Variants in MIB1 observed in about 807,000 individuals in gnomAD.
MIB1 encodes the protein E3 ubiquitin-protein ligase MIB1.
MIB1 carries 278 observed loss-of-function variants against 124.5 expected under a neutral mutation model. The ratio of observed to expected loss-of-function variants is 2.23; its 90% CI spans 2.02 to 2.47. MIB1 has a LOEUF of 2.47. MIB1 is among the 30% of genes most tolerant of loss of function. The pLI is 0.00. For synonymous variants in MIB1, 446 were observed against 429.4 expected, an observed-to-expected ratio of 1.04 and a Z score of -0.48; for missense variants, 957 against 1,254.4, an observed-to-expected ratio of 0.76 and a Z score of 3.58.
intron 6 of MIB1, among the ~76,000 whole-genome samples, chr18:21,780,496 C>G (rs184453823): frequency 5.7e-4 from 87 of 152,304 alleles, no homozygotes; most frequent in Non-Finnish European, 1.0e-3. Flanking sequence ...ATTTGTCTTT[C>G]TGTGTCTGGC....
intron 6 of MIB1, among the ~76,000 whole-genome samples, chr18:21,780,121 A>G (rs922581276): frequency 6.6e-6 from 1 of 152,080 alleles, no homozygotes; most frequent in African/African-American, 2.4e-5. Flanking sequence ...TTTTATTGAT[A>G]CACAAGAGGT....
At chr18:21,840,653 ATATATATATATATTTTTT>A (rs1379301753) in intron 13 of MIB1, among the ~76,000 whole-genome samples, 2,649 of 27,886 alleles carry the variant, frequency 0.095, 54 homozygotes, top group East Asian at 0.19. Flanking sequence ...ATATATATAT[ATATATATATATATTTTTT>A]TTTTTTTTTA....
At chr18:21,718,033 T>G (rs1265928294) in intron 1 of MIB1, among the ~76,000 whole-genome samples, 1 of 152,210 alleles carries the variant, frequency 6.6e-6, no homozygotes, top group Admixed American at 6.6e-5. Context: ...AAACTGGTAT[T>G]TATATACAAT....
In MIB1 at chr18:21,768,655, A is replaced by G. The variant is rs1243877213; in HGVS notation, c.434A>G (p.Lys145Arg). ...TTAGAGTCTCGTAGGAAATCTAAGA[A>G]GATTACAGCCAGAGGAATCTTTGCA... ...VLLESRRKSK[K>R]ITARGIFAGA... is the part of the protein sequence containing the mutation. The change falls in exon 3 of 21, where the codon AAG (lysine) becomes AGG (arginine). Residue 145 changes from lysine to arginine, a missense_variant. By Grantham distance (26) the Lys-to-Arg change is conservative. Coordinates refer to ENST00000261537, the MANE Select transcript of MIB1 (RefSeq NM_020774.4). The G allele has an allele frequency of 2.5e-6, 4 of 1,593,714 alleles. No individual in the cohort carries two copies. The highest frequency in any genetic ancestry group is 3.4e-6 in the Non-Finnish European group (4 of 1,169,052).
chr18:21,713,612 C>CAAA lies in MIB1; in HGVS notation n.167+8512_167+8514dup, dbSNP rs57282241. On this transcript the variant is annotated intron_variant and non_coding_transcript_variant, in intron 1 of 20. Coordinates refer to the MIB1 transcript ENST00000578646. ...CGGGCGACAGAGCAAGATTCTGTCT[C>CAAA]AAAAAAAAAAAAAAAAAAAAAAAAA... Among the ~76,000 whole-genome samples the CAAA allele has an allele frequency of 1.8e-3, 80 of 44,136 alleles. 1 individual carries two copies. Among genetic ancestry groups the CAAA allele is most frequent in the Middle Eastern group, 0.012 (1 of 82 alleles). The allele number at this position is 44,136 out of a possible 152,430, so 29.0% of individuals were successfully genotyped here.
intron 11 of MIB1, 47 bp downstream of exon 11, chr18:21,815,860 A>G (rs948377068): frequency 6.6e-7 from 1 of 1,515,112 alleles, no homozygotes; most frequent in East Asian, 2.3e-5. Flanking sequence ...CTAGGATCCT[A>G]TTAAAGGGAA....
At chr18:21,790,028 A>T (rs533266439) in intron 6 of MIB1, among the ~76,000 whole-genome samples, 1 of 152,328 alleles carries the variant, frequency 6.6e-6, no homozygotes, top group East Asian at 1.9e-4. Context: ...TTTGAAGATG[A>T]TAGCAGCGTG....
rs556326365 is a variant in MIB1 at position 21,779,693 on chromosome 18, A to T, written c.908+8A>T. Reference sequence around the variant, plus strand: ...GTATCCAAGTGGCAATAGGTGGGTGATATCTCTCAATTTTTGACAATGACA... The same window carrying T: ...GTATCCAAGTGGCAATAGGTGGGTGTTATCTCTCAATTTTTGACAATGACA... On this transcript the variant is annotated splice_region_variant and intron_variant, in intron 6 of 20. Transcript: ENST00000261537. 1 of 1,603,840 alleles carries T rather than the reference A, an allele frequency of 6.2e-7. No individual in the cohort carries two copies. The highest frequency in any genetic ancestry group is 1.1e-5 in the South Asian group (1 of 90,704).
intron 1 of MIB1, among the ~76,000 whole-genome samples, chr18:21,725,785 G>GGGAAGGAAGGAA (rs35808714): frequency 2.4e-4 from 36 of 151,062 alleles, no homozygotes; most frequent in African/African-American, 8.5e-4. Flanking sequence ...GAGGGAGAGA[G>GGGAAGGAAGGAA]GGAAGGAAGG....
chr18:21,739,454 G>A (rs1342921266), upstream of MIB1, among the ~76,000 whole-genome samples: 1 of 152,116 alleles, frequency 6.6e-6, no homozygotes, highest in Non-Finnish European at 1.5e-5. Flanking sequence ...TACGAGGCCA[G>A]CATCATCCTG....
chr18:21,723,983 C>T (rs1408570616), intron 1 of MIB1: 6 of 152,206 alleles, frequency 3.9e-5, no homozygotes, highest in Admixed American at 3.3e-4. Context: ...GGATTACAGG[C>T]ATGAGCCACC....
At chr18:21,841,107 T>G (rs2042084914) in intron 13 of MIB1, among the ~76,000 whole-genome samples, 1 of 152,120 alleles carries the variant, frequency 6.6e-6, no homozygotes, top group Non-Finnish European at 1.5e-5. Flanking sequence ...GGCTCATGCC[T>G]GTAATCCAAG....
In MIB1 at chr18:21,795,313, T is replaced by TTATATATAATATATAAATATATAA. The variant is rs1418334222; in HGVS notation, c.1093-2751_1093-2728dup. 3.5e-4 allele frequency among the ~76,000 whole-genome samples: 47 copies of TTATATATAATATATAAATATATAA among 133,196 alleles called. 1 individual carries two copies. The highest frequency in any genetic ancestry group is 1.5e-3 in the South Asian group (7 of 4,720). 87.4% of individuals were successfully genotyped at this position (133,196 alleles called of 152,430 possible). ...TATATATATAATATATAAATATATATTATATATAATATATAAATATATAAT... is the reference window on the plus strand; with the variant it reads ...TATATATATAATATATAAATATATATTATATATAATATATAAATATATAATATATATAATATATAAATATATAAT... On this transcript the variant is annotated intron_variant, in intron 7 of 20. Transcript: ENST00000261537.
intron 17 of MIB1, among the ~76,000 whole-genome samples, chr18:21,849,802 G>T (rs1009765085): frequency 6.6e-6 from 1 of 151,930 alleles, no homozygotes. Flanking sequence ...TTTTTTTGGA[G>T]TACAAAAACT....
intron 1 of MIB1, among the ~76,000 whole-genome samples, chr18:21,750,014 C>G (rs1251103535): frequency 6.6e-6 from 1 of 151,902 alleles, no homozygotes; most frequent in African/African-American, 2.4e-5. Context: ...ATTTTATCAC[C>G]TTTTTTTCTG....
At chr18:21,836,081 G>T (rs956695287) in intron 12 of MIB1, among the ~76,000 whole-genome samples, 4 of 151,016 alleles carry the variant, frequency 2.6e-5, no homozygotes, top group African/African-American at 9.7e-5. Context: ...GTGAAACCCC[G>T]CCTCTACAAA....
intron 1 of MIB1, among the ~76,000 whole-genome samples, chr18:21,763,892 C>T (rs1328457321): frequency 1.3e-5 from 2 of 152,012 alleles, no homozygotes; most frequent in South Asian, 4.2e-4. Flanking sequence ...TTTTTCATAT[C>T]TTTTTTCTCC....
chr18:21,727,644 G>A (rs2040748576), intron 1 of MIB1, among the ~76,000 whole-genome samples: 1 of 152,156 alleles, frequency 6.6e-6, no homozygotes, highest in African/African-American at 2.4e-5. Flanking sequence ...CATGCCTGTA[G>A]TCTTAAGTAC....
chr18:21,758,935 A>T lies in MIB1; in HGVS notation c.230-6837A>T, dbSNP rs573287626. Among the ~76,000 whole-genome samples, 7 of 152,212 alleles carry T rather than the reference A, an allele frequency of 4.6e-5. No individual in the cohort carries two copies. In the East Asian group the frequency reaches 5.8e-4, roughly 13 times the overall value. ...AGTCTAGAAGGACTGTTTCTTTTTT[A>T]AAAAAGTTTTAAAATTTATTACATA... is the stretch of plus-strand genomic sequence containing the variant. On this transcript the variant is annotated intron_variant, in intron 1 of 20. Transcript: ENST00000261537.
Sources: gnomAD v4.1 joint callset for allele counts (sites outside exome capture counted in the v4.1 genomes callset) on GRCh38, gnomAD v4.1.1 for gene constraint, MANE v1.5 for transcripts, NCBI Gene and HGNC (gene_info 2026-07-23, HGNC 2026-07-21) for gene names.